The following DNAH6 variants were observed in gnomAD, a reference collection of about 807,000 sequenced individuals.
The protein encoded by DNAH6 is axonemal beta dynein heavy chain 6.
DNAH6 carries 340 observed loss-of-function variants against 491.4 expected under a neutral mutation model. The ratio of observed to expected loss-of-function variants is 0.69; its 90% confidence interval spans 0.63 to 0.76. The LOEUF (loss-of-function observed/expected upper bound fraction) is 0.76, where lower values mean the gene tolerates loss of function less well. Ranked by LOEUF, DNAH6 falls within the 30% of genes least tolerant of loss-of-function variation. The pLI is 0.00. For synonymous variants in DNAH6, 1,603 were observed against 1,686.1 expected (o/e 0.95, Z 1.21); for missense variants, 4,443 against 4,972.2 (o/e 0.89, Z 3.20).
chr2:84,524,215 T>C (rs2104426042), intron 2 of DNAH6, among the ~76,000 whole-genome samples: 1 of 152,112 alleles, frequency 6.6e-6, no homozygotes, highest in East Asian at 1.9e-4. Context: ...TTTGTCTTTT[T>C]TTTTTTTAAT....
At position 84,681,500 on chromosome 2, in the gene DNAH6, C is replaced by T. The variant is rs1693770149; in HGVS notation, c.6888C>T (p.Asn2296=). 3 of 1,549,402 alleles carry T rather than the reference C, an allele frequency of 1.9e-6. No homozygotes were observed. Among genetic ancestry groups the T allele is most frequent in the East Asian group, 2.4e-5 (1 of 40,900 alleles). Reference sequence around the variant, plus strand: ...CCGCCAAGTCCCATTATGTCTTTAACTTGAGGGACTTATCCAAATGTGTGC... The same window carrying T: ...CCGCCAAGTCCCATTATGTCTTTAATTTGAGGGACTTATCCAAATGTGTGC... ...PTPAKSHYVF[N]LRDLSKCVQG... is the part of the protein sequence containing the mutation. Residue 2296 remains asparagine, a synonymous_variant, in exon 42 of 77, where the codon AAC becomes AAT. Transcript: ENST00000389394.
At chr2:84,621,058 C>A in intron 24 of DNAH6, 133 bp from the exon 25 acceptor site, 1 of 851,292 alleles carries the variant, frequency 1.2e-6, no homozygotes, top group Non-Finnish European at 1.8e-6. Context: ...AGTGGAATGT[C>A]AATAGAAGTT....
chr2:84,526,046 G>C (rs937224280), intron 3 of DNAH6, among the ~76,000 whole-genome samples: 2 of 152,022 alleles, frequency 1.3e-5, no homozygotes, highest in Admixed American at 6.6e-5. Flanking sequence ...TACCAAAAAT[G>C]GTAATCTTTG....
At chr2:84,623,348 T>A (rs1367720821) in intron 26 of DNAH6, among the ~76,000 whole-genome samples, 2 of 152,138 alleles carry the variant, frequency 1.3e-5, no homozygotes, top group African/African-American at 4.8e-5. Flanking sequence ...GTATATCTTG[T>A]AAGGACCTAG....
intron 29 of DNAH6, among the ~76,000 whole-genome samples, chr2:84,626,738 AT>A (rs1311973944): frequency 1.3e-5 from 2 of 152,070 alleles, no homozygotes; most frequent in Non-Finnish European, 2.9e-5. Flanking sequence ...AATAGCTGGG[AT>A]TACAGGTGCC....
the DNAH6 span, among the ~76,000 whole-genome samples, chr2:84,473,827 C>T: frequency 0.016 from 2,423 of 152,240 alleles, 66 homozygotes; most frequent in African/African-American, 0.052. Context: ...TATCTACAGC[C>T]TTTTCTAACT....
intron 64 of DNAH6, among the ~76,000 whole-genome samples, chr2:84,781,200 A>G (rs1051029215): frequency 2.0e-5 from 3 of 152,140 alleles, no homozygotes; most frequent in Non-Finnish European, 2.9e-5. Context: ...CGGTGGAGAG[A>G]GGCATGAGAG....
chr2:84,479,292 G>A, the DNAH6 span, among the ~76,000 whole-genome samples: 1 of 152,198 alleles, frequency 6.6e-6, no homozygotes, highest in Non-Finnish European at 1.5e-5. Flanking sequence ...CGGCTTGAGG[G>A]TGGGGCCCTT....
intron 40 of DNAH6, among the ~76,000 whole-genome samples, chr2:84,674,091 G>C (rs749779993): frequency 6.6e-6 from 1 of 152,114 alleles, no homozygotes; most frequent in Admixed American, 6.6e-5. Flanking sequence ...GGCATGTTTC[G>C]TTTTGCTCAC....
intron 68 of DNAH6, among the ~76,000 whole-genome samples, chr2:84,788,027 C>CA (rs934924267): frequency 6.6e-6 from 1 of 152,088 alleles, no homozygotes; most frequent in Non-Finnish European, 1.5e-5. Flanking sequence ...AGAAGGGTAT[C>CA]AGGTGATCTA....
At chr2:84,655,712 T>C (rs1690899162) in intron 35 of DNAH6, among the ~76,000 whole-genome samples, 1 of 152,126 alleles carries the variant, frequency 6.6e-6, no homozygotes, top group Non-Finnish European at 1.5e-5. Context: ...GTTTTAAGTT[T>C]ATAGAAAAAT....
intron 54 of DNAH6, among the ~76,000 whole-genome samples, chr2:84,708,932 G>A (rs1395591818): frequency 6.6e-6 from 1 of 152,134 alleles, no homozygotes; most frequent in Non-Finnish European, 1.5e-5. Flanking sequence ...CATTGAAGGA[G>A]GTCATATGCC....
At chr2:84,721,528 G>T (rs1196816250) in intron 59 of DNAH6, among the ~76,000 whole-genome samples, 4 of 152,224 alleles carry the variant, frequency 2.6e-5, no homozygotes, top group Admixed American at 2.0e-4. Context: ...AATATGGCTA[G>T]CCTGAATTAA....
chr2:84,676,484 A>G (rs1319204284), intron 40 of DNAH6, among the ~76,000 whole-genome samples: 1 of 152,252 alleles, frequency 6.6e-6, no homozygotes, highest in Non-Finnish European at 1.5e-5. Flanking sequence ...CCATGAGTTC[A>G]ATGTTAATGA....
intron 68 of DNAH6, among the ~76,000 whole-genome samples, chr2:84,794,170 A>G (rs1213307210): frequency 6.6e-6 from 1 of 152,232 alleles, no homozygotes; most frequent in African/African-American, 2.4e-5. Context: ...TTATACAAAA[A>G]TTAATTCAAG....
At position 84,607,095 on chromosome 2, in the gene DNAH6, G is replaced by C; in HGVS notation, c.3294G>C (p.Leu1098=). 1 of 1,550,742 alleles carries C rather than the reference G, an allele frequency of 6.4e-7. No individual in the cohort carries two copies. Among genetic ancestry groups the C allele is most frequent in the Non-Finnish European group, 8.7e-7 (1 of 1,146,288 alleles). ...AACTTGCTTTATTTAATCAAACACT[G>C]GTGAGTAAGAATAATTTTGATTCAT... is the stretch of plus-strand genomic sequence containing the variant. ...QKQLALFNQT[L]EEWLTCQRNW... Residue 1098 remains leucine (L), a splice_region_variant and synonymous_variant, in exon 21 of 77, where the codon CTG becomes CTC. Transcript: ENST00000389394.
chr2:84,614,449 G>C lies in DNAH6; in HGVS notation c.3476-2437G>C, dbSNP rs923547007. Among the ~76,000 whole-genome samples, 12 of 152,132 alleles carry C rather than the reference G, an allele frequency of 7.9e-5. No homozygotes were observed. In the East Asian group the frequency reaches 1.7e-3, roughly 22 times the overall value. On this transcript the variant is annotated intron_variant, in intron 22 of 76. Transcript: ENST00000389394. ...CACTCATTGATTGATGTGCATTGGG[G>C]CTGGTTCCATATTTTTGCAATTGCA...
intron 74 of DNAH6, among the ~76,000 whole-genome samples, chr2:84,813,650 T>C (rs547610454): frequency 6.6e-6 from 1 of 152,250 alleles, no homozygotes; most frequent in South Asian, 2.1e-4. Flanking sequence ...CTGGGCAAAA[T>C]CCTAAAGTTA....
the DNAH6 span, among the ~76,000 whole-genome samples, chr2:84,471,284 A>G: frequency 1.3e-5 from 2 of 152,222 alleles, no homozygotes; most frequent in Non-Finnish European, 2.9e-5. Context: ...GAGCAAGGCA[A>G]TTGCAGGCTG....
Sources: allele counts gnomAD v4.1 joint callset (sites outside exome capture counted in the v4.1 genomes callset), GRCh38; gene constraint gnomAD v4.1.1; transcripts MANE v1.5; gene names NCBI Gene and HGNC (gene_info 2026-07-23, HGNC 2026-07-21).